Variants in PPP2R2B observed in about 807,000 individuals in gnomAD.
The protein encoded by PPP2R2B is protein phosphatase 2 regulatory subunit Bbeta, also known as serine/threonine-protein phosphatase 2A 55 kDa regulatory subunit B beta isoform.
PPP2R2B carries 5 observed loss-of-function variants against 46.0 expected under a neutral mutation model. The observed-to-expected ratio is 0.11, with a 90% CI of 0.06 to 0.23. The LOEUF (loss-of-function observed/expected upper bound fraction) is 0.23. Among genes scored for constraint, PPP2R2B ranks in the 10% least tolerant of loss-of-function variants. The pLI is 1.00. For missense variants in PPP2R2B, 367 were observed against 575.0 expected (o/e 0.64, Z 3.70); for synonymous variants, 215 against 206.7 (o/e 1.04, Z -0.34).
intron 7 of PPP2R2B, among the ~76,000 whole-genome samples, chr5:146,609,517 G>A (rs899255706): frequency 4.6e-5 from 7 of 152,082 alleles, no homozygotes; most frequent in African/African-American, 9.7e-5. Flanking sequence ...GAACAGCTCC[G>A]GTCTACAGCT....
At chr5:146,671,131 T>C (rs1015494791) in intron 5 of PPP2R2B, among the ~76,000 whole-genome samples, 2 of 152,298 alleles carry the variant, frequency 1.3e-5, no homozygotes, top group Middle Eastern at 3.4e-3. Context: ...TCCTCAATTA[T>C]GTGATTCAAT....
chr5:146,922,812 C>T (rs1302527903), intron 1 of PPP2R2B, among the ~76,000 whole-genome samples: 3 of 152,070 alleles, frequency 2.0e-5, no homozygotes, highest in Non-Finnish European at 2.9e-5. Context: ...TCAGTTCAGG[C>T]CAGTGAGAAA....
At chr5:146,660,824 T>C (rs1422710849) in intron 5 of PPP2R2B, among the ~76,000 whole-genome samples, 1 of 152,212 alleles carries the variant, frequency 6.6e-6, no homozygotes, top group African/African-American at 2.4e-5. Flanking sequence ...AAACATTTAT[T>C]AAGTGCCAAT....
intron 2 of PPP2R2B, among the ~76,000 whole-genome samples, chr5:146,720,815 G>A (rs1321880924): frequency 6.6e-6 from 1 of 152,160 alleles, no homozygotes; most frequent in African/African-American, 2.4e-5. Context: ...TTATTCTAGT[G>A]TGGAGTAAAG....
At chr5:146,964,065 A>T (rs138038321) in intron 1 of PPP2R2B, among the ~76,000 whole-genome samples, 89 of 152,360 alleles carry the variant, frequency 5.8e-4, no homozygotes, top group African/African-American at 2.0e-3. Context: ...TCAGCTGGAC[A>T]CTGGGGTTCA....
intron 2 of PPP2R2B, among the ~76,000 whole-genome samples, chr5:146,876,641 G>C (rs1761914715): frequency 6.6e-6 from 1 of 152,172 alleles, no homozygotes; most frequent in Non-Finnish European, 1.5e-5. Flanking sequence ...GTATAGGGGA[G>C]GGATGGGCTG....
At chr5:147,033,350 A>T (rs1755886033) in intron 1 of PPP2R2B, among the ~76,000 whole-genome samples, 1 of 152,170 alleles carries the variant, frequency 6.6e-6, no homozygotes, top group South Asian at 2.1e-4. Flanking sequence ...TGGAGGGATG[A>T]TACACAACTC....
chr5:146,808,069 A>G (rs1468392386), intron 2 of PPP2R2B, among the ~76,000 whole-genome samples: 12 of 151,932 alleles, frequency 7.9e-5, no homozygotes, highest in African/African-American at 2.9e-4. Flanking sequence ...CCAAAGTGCT[A>G]GGATTACAGA....
chr5:146,735,092 C>A (rs1006916296), intron 2 of PPP2R2B, among the ~76,000 whole-genome samples: 2 of 152,110 alleles, frequency 1.3e-5, no homozygotes, highest in South Asian at 4.2e-4. Flanking sequence ...CTAGGAACCG[C>A]GATCTTTTTT....
At chr5:147,040,096 C>G (rs1208275480) in intron 1 of PPP2R2B, among the ~76,000 whole-genome samples, 1 of 152,094 alleles carries the variant, frequency 6.6e-6, no homozygotes, top group Non-Finnish European at 1.5e-5. Flanking sequence ...AGTGAAGATG[C>G]CTTTCTTCTT....
intron 2 of PPP2R2B, among the ~76,000 whole-genome samples, chr5:146,807,152 T>C (rs1043544936): frequency 6.6e-6 from 1 of 152,186 alleles, no homozygotes; most frequent in Non-Finnish European, 1.5e-5. Context: ...TCAGATGATT[T>C]GTTTGTACAT....
At chr5:146,620,910 A>G (rs1449044679) in intron 7 of PPP2R2B, among the ~76,000 whole-genome samples, 1 of 152,218 alleles carries the variant, frequency 6.6e-6, no homozygotes, top group Non-Finnish European at 1.5e-5. Flanking sequence ...GCTGGTTGCC[A>G]TGGCACCGCA....
At chr5:146,742,629 G>T (rs1752945515) in intron 2 of PPP2R2B, among the ~76,000 whole-genome samples, 1 of 152,060 alleles carries the variant, frequency 6.6e-6, no homozygotes, top group South Asian at 2.1e-4. Flanking sequence ...AAATAATGAA[G>T]ATATAATAAT....
intron 2 of PPP2R2B, among the ~76,000 whole-genome samples, chr5:147,075,487 A>C (rs1308895006): frequency 6.6e-6 from 1 of 152,056 alleles, no homozygotes; most frequent in African/African-American, 2.4e-5. Context: ...TTCTATCTCT[A>C]TCTCTGAGAT....
At chr5:146,735,701 T>C (rs1752496428) in intron 2 of PPP2R2B, among the ~76,000 whole-genome samples, 1 of 152,174 alleles carries the variant, frequency 6.6e-6, no homozygotes, top group African/African-American at 2.4e-5. Context: ...TGAGGGACAC[T>C]TGTCAAAACA....
Position 146,600,379 on chromosome 5 carries a change from T to C in PPP2R2B, c.872A>G (p.His291Arg), listed in dbSNP as rs2151016971. 1 of 1,614,046 alleles carries C rather than the reference T, an allele frequency of 6.2e-7. No individual in the cohort carries two copies. Among genetic ancestry groups the C allele is most frequent in the Admixed American group, 1.7e-5 (1 of 60,000 alleles). The change falls in exon 8 of 10, where the codon CAC (histidine) becomes CGC (arginine). Residue 291 changes from histidine (H) to arginine (R), a missense_variant. Physicochemically the swap from His to Arg is conservative, Grantham distance 29. Coordinates refer to ENST00000394411, the MANE Select transcript of PPP2R2B (RefSeq NM_181675.4). ...ISSISDVKFS[H>R]SGRYIMTRDY... ...CCTGGTCATGATATACCTCCCACTGTGGCTGAACTTCACATCCGAAATCGA... is the reference window on the plus strand; with the variant it reads ...CCTGGTCATGATATACCTCCCACTGCGGCTGAACTTCACATCCGAAATCGA...
At chr5:147,039,488 C>T (rs1217628289) in intron 1 of PPP2R2B, among the ~76,000 whole-genome samples, 1 of 152,046 alleles carries the variant, frequency 6.6e-6, no homozygotes, top group African/African-American at 2.4e-5. Context: ...CATGCATCTG[C>T]CCACATTCTG....
At chr5:146,903,459 A>G (rs956910721) in intron 1 of PPP2R2B, among the ~76,000 whole-genome samples, 1 of 147,388 alleles carries the variant, frequency 6.8e-6, no homozygotes, top group Non-Finnish European at 1.5e-5. Context: ...GCAGTGGTAC[A>G]ATCTTGGCTC....
At chr5:147,042,060 C>A (rs893214746) in intron 1 of PPP2R2B, among the ~76,000 whole-genome samples, 7 of 152,096 alleles carry the variant, frequency 4.6e-5, no homozygotes, top group Non-Finnish European at 8.8e-5. Context: ...GAGCTATATC[C>A]GCAGTTCCCA....
Sources: allele counts gnomAD v4.1 joint callset (sites outside exome capture counted in the v4.1 genomes callset), GRCh38; gene constraint gnomAD v4.1.1; transcripts MANE v1.5; gene names NCBI Gene and HGNC (gene_info 2026-07-23, HGNC 2026-07-21).